The following WNT3 variants were observed in gnomAD, a reference collection of about 807,000 sequenced individuals.
WNT3 encodes Wnt family member 3.
In WNT3, 7 loss-of-function variants were observed where a neutral mutation model predicts 34.2. The ratio of observed to expected loss-of-function variants is 0.20; its 90% CI spans 0.12 to 0.38. The LOEUF (loss-of-function observed/expected upper bound fraction) is 0.38. Ranked by LOEUF, WNT3 falls within the 10% of genes least tolerant of loss-of-function variation. The pLI, the probability that WNT3 is intolerant of heterozygous loss-of-function variation, is 1.00. For synonymous variants in WNT3, 212 were observed against 211.5 expected, an observed-to-expected ratio of 1.00 and a Z score of -0.02; for missense variants, 267 against 499.8, an observed-to-expected ratio of 0.53 and a Z score of 4.44.
intron 1 of WNT3, among the ~76,000 whole-genome samples, chr17:46,816,635 C>T (rs1019701737): frequency 1.3e-5 from 2 of 152,158 alleles, no homozygotes; most frequent in African/African-American, 4.8e-5. Flanking sequence ...CCCAGCGTTT[C>T]TTCCTATTGG....
rs1381835205 is a variant in WNT3 at position 46,781,279 on chromosome 17, C to T, written c.81-7370G>A. Among the ~76,000 whole-genome samples the T allele has an allele frequency of 7.3e-5, 11 of 150,100 alleles. No individual in the cohort carries two copies. The East Asian group carries it at 2.1e-3, about 29-fold the overall frequency. On this transcript the variant is annotated intron_variant, in intron 1 of 4. Coordinates refer to ENST00000225512, the MANE Select transcript of WNT3 (RefSeq NM_030753.5). ...ATTCTGATGCTTCTGATGCAAGCTA[C>T]AACGTAGAGGAAACTTGAAAACAAG...
intron 1 of WNT3, among the ~76,000 whole-genome samples, chr17:46,778,899 T>C (rs2059433764): frequency 6.6e-6 from 1 of 152,124 alleles, no homozygotes; most frequent in African/African-American, 2.4e-5. Context: ...TCACCTCTCC[T>C]CCGCCTGAAT....
At chr17:46,790,970 G>A (rs141422043) in intron 1 of WNT3, among the ~76,000 whole-genome samples, 18 of 152,318 alleles carry the variant, frequency 1.2e-4, no homozygotes, top group African/African-American at 3.4e-4. Flanking sequence ...CTGACTCCTC[G>A]TTTCCTCTGG....
At chr17:46,800,752 G>C (rs1021188782) in intron 1 of WNT3, among the ~76,000 whole-genome samples, 1 of 152,168 alleles carries the variant, frequency 6.6e-6, no homozygotes, top group Non-Finnish European at 1.5e-5. Flanking sequence ...TGGTGGTATG[G>C]GTTGAAAGAT....
At chr17:46,787,360 G>A (rs2059516771) in intron 1 of WNT3, among the ~76,000 whole-genome samples, 1 of 152,178 alleles carries the variant, frequency 6.6e-6, no homozygotes, top group Non-Finnish European at 1.5e-5. Context: ...TCTGTAAATG[G>A]CCACGCATGT....
intron 1 of WNT3, among the ~76,000 whole-genome samples, chr17:46,793,270 T>G: frequency 2.8e-5 from 1 of 36,222 alleles, no homozygotes; most frequent in Non-Finnish European, 6.2e-5. Flanking sequence ...TGAGACCCTG[T>G]CTAAAAAAAA....
intron 1 of WNT3, among the ~76,000 whole-genome samples, chr17:46,801,493 G>A (rs1051438072): frequency 1.9e-4 from 24 of 123,796 alleles, no homozygotes; most frequent in Admixed American, 1.4e-3. Flanking sequence ...GGTGGCAGGC[G>A]CCTGTAATCC....
At chr17:46,813,169 C>T (rs913328204) in intron 1 of WNT3, among the ~76,000 whole-genome samples, 5 of 151,708 alleles carry the variant, frequency 3.3e-5, no homozygotes, top group African/African-American at 4.8e-5. Flanking sequence ...AATACAGGCC[C>T]GGAATGTGTG....
intron 1 of WNT3, among the ~76,000 whole-genome samples, chr17:46,817,956 G>C (rs1017872180): frequency 6.6e-6 from 1 of 152,064 alleles, no homozygotes; most frequent in Non-Finnish European, 1.5e-5. Context: ...TAGAGCGGTG[G>C]GGAGAATCTG....
chr17:46,811,352 G>A (rs962111453), intron 1 of WNT3, among the ~76,000 whole-genome samples: 11 of 152,172 alleles, frequency 7.2e-5, no homozygotes, highest in Non-Finnish European at 7.3e-5. Context: ...TCAATGGCGC[G>A]GAAGTGATTG....
chr17:46,807,665 G>A (rs2084214978), intron 1 of WNT3, among the ~76,000 whole-genome samples: 1 of 152,218 alleles, frequency 6.6e-6, no homozygotes. Flanking sequence ...GTATCCCAAA[G>A]ACAAGTCTTT....
Position 46,768,593 on chromosome 17 carries a change from G to C in WNT3, c.795C>G (p.Leu265=). 6.2e-7 allele frequency: 1 copy of C among 1,614,196 alleles called. No individual in the cohort carries two copies. The highest frequency in any genetic ancestry group is 8.5e-7 in the Non-Finnish European group (1 of 1,180,034). Residue 265 remains leucine (L), a synonymous_variant, in exon 4 of 5, where the codon CTC becomes CTG. Coordinates refer to ENST00000225512, the MANE Select transcript of WNT3 (RefSeq NM_030753.5). This position sits in a 1 kb window ranked among gnomAD's most constrained non-coding sequence, Gnocchi z 5.0. ...GGTCCCTCTCCGTGGGTGGCTTGAAGAGCGAGTACTTGGCCCGGAGGGTCT... is the reference window on the plus strand; with the variant it reads ...GGTCCCTCTCCGTGGGTGGCTTGAACAGCGAGTACTTGGCCCGGAGGGTCT... ...WVETLRAKYS[L]FKPPTERDLV... is the part of the protein sequence containing the mutation.
At chr17:46,778,393 G>A in intron 1 of WNT3, among the ~76,000 whole-genome samples, 1 of 152,162 alleles carries the variant, frequency 6.6e-6, no homozygotes, top group East Asian at 1.9e-4. Flanking sequence ...TTCAGATGGG[G>A]TCATCCTGCG....
intron 1 of WNT3, among the ~76,000 whole-genome samples, chr17:46,802,989 C>T (rs1477910749): frequency 6.6e-6 from 1 of 152,190 alleles, no homozygotes; most frequent in African/African-American, 2.4e-5. Context: ...CAGCCTGGGG[C>T]TTGGGATTGC....
chr17:46,786,941 CTTTT>C (rs566280448), intron 1 of WNT3, among the ~76,000 whole-genome samples: 2 of 142,648 alleles, frequency 1.4e-5, no homozygotes, highest in African/African-American at 5.2e-5. Flanking sequence ...TTTCTTTTTT[CTTTT>C]TTTTTTTTTT....
intron 1 of WNT3, among the ~76,000 whole-genome samples, chr17:46,775,708 G>A (rs2059407401): frequency 6.6e-6 from 1 of 151,000 alleles, no homozygotes; most frequent in Non-Finnish European, 1.5e-5. Context: ...CCGCCTCCTG[G>A]GTTCACACCA....
Position 46,793,272 on chromosome 17 carries a change from T to TAAAAAAAA in WNT3, c.81-19371_81-19364dup, listed in dbSNP as rs71138551. Among the ~76,000 whole-genome samples the TAAAAAAAA allele has an allele frequency of 4.3e-4, 18 of 41,970 alleles. 2 individuals are homozygous for TAAAAAAAA. Among genetic ancestry groups the TAAAAAAAA allele is most frequent in the Non-Finnish European group, 7.1e-4 (18 of 25,298 alleles). 27.5% of individuals were successfully genotyped at this position (41,970 alleles called of 152,430 possible). A position where few individuals can be genotyped will look rare whatever the true frequency, so the allele number is the denominator to read the frequency against. ...CTGGGCAACAGAGTGAGACCCTGTC[T>TAAAAAAAA]AAAAAAAAAAAAAAAAAAAAAAAAA... On this transcript the variant is annotated intron_variant, in intron 1 of 4. Transcript: ENST00000225512.
chr17:46,771,832 G>A (rs1161898404), intron 2 of WNT3, among the ~76,000 whole-genome samples: 3 of 143,876 alleles, frequency 2.1e-5, no homozygotes, highest in Non-Finnish European at 3.1e-5. Context: ...CGCGCGGTGG[G>A]GGGGCGGTGC....
At position 46,784,998 on chromosome 17, in the gene WNT3, C is replaced by T. The variant is rs182096179; in HGVS notation, c.81-11089G>A. On this transcript the variant is annotated intron_variant, in intron 1 of 4. Coordinates refer to ENST00000225512, the MANE Select transcript of WNT3 (RefSeq NM_030753.5). ...TTCACTGTGTTAGCCAGGATGGTCTCGATCTCCTGACCTCGTGATCTGCCC... is the reference window on the plus strand; with the variant it reads ...TTCACTGTGTTAGCCAGGATGGTCTTGATCTCCTGACCTCGTGATCTGCCC... 4.1e-4 allele frequency among the ~76,000 whole-genome samples: 62 copies of T among 152,164 alleles called. 1 individual carries two copies. The highest frequency in any genetic ancestry group is 3.4e-3 in the Middle Eastern group (1 of 294).
Sources: gnomAD v4.1 joint callset for allele counts (sites outside exome capture counted in the v4.1 genomes callset) on GRCh38, gnomAD v4.1.1 for gene constraint, Gnocchi (gnomAD v3.1) non-coding constraint, MANE v1.5 for transcripts, NCBI Gene and HGNC (gene_info 2026-07-23, HGNC 2026-07-21) for gene names.